The following SLC22A16 variants were observed in gnomAD, a reference collection of about 807,000 sequenced individuals.
SLC22A16 encodes the protein solute carrier family 22 member 16, also known as WUGSC:RG331P03.1.
In SLC22A16, 53 loss-of-function variants were observed where a neutral mutation model predicts 52.9. The ratio of observed to expected loss-of-function variants is 1.00; its 90% CI spans 0.80 to 1.26. The LOEUF is 1.26. SLC22A16 is among the 50% of genes most tolerant of loss of function. The pLI is 0.00. For missense variants in SLC22A16, 726 were observed against 704.0 expected (o/e 1.03, Z -0.35); for synonymous variants, 291 against 268.8 (o/e 1.08, Z -0.81).
chr6:110,460,086 G>C (rs140022852), intron 1 of SLC22A16, among the ~76,000 whole-genome samples: 1 of 152,148 alleles, frequency 6.6e-6, no homozygotes, highest in Non-Finnish European at 1.5e-5. Context: ...AATAGGTCCT[G>C]TCCGATCAAA....
chr6:110,431,376 G>C lies in SLC22A16; in HGVS notation c.1422-106C>G. On this transcript the variant is annotated intron_variant, in intron 6 of 7. Coordinates refer to ENST00000368919, the MANE Select transcript of SLC22A16 (RefSeq NM_033125.4). ...TCCCACGCTCCCCAGCAAGGATAAG[G>C]GTGGTCAGGCAGCGCATTACAACGT... 3.1e-6 allele frequency: 3 copies of C among 954,250 alleles called. No homozygotes were observed. In the Admixed American group the frequency reaches 6.0e-5, roughly 19 times the overall value. 59.1% of individuals were successfully genotyped at this position (954,250 alleles called of 1,614,324 possible).
Position 110,476,516 on chromosome 6 carries a change from C to G in SLC22A16, c.53+6G>C. Reference sequence around the variant, plus strand: ...CGCGTGGCGCCGCGGGGCCCCTCCCCCATACCTGCCGAAGTGCCCCACGTG... The same window carrying G: ...CGCGTGGCGCCGCGGGGCCCCTCCCGCATACCTGCCGAAGTGCCCCACGTG... On this transcript the variant is annotated splice_donor_region_variant and intron_variant, in intron 1 of 7. Coordinates refer to ENST00000368919, the MANE Select transcript of SLC22A16 (RefSeq NM_033125.4). The G allele has an allele frequency of 6.8e-7, 1 of 1,469,378 alleles. No individual in the cohort carries two copies. Among genetic ancestry groups the G allele is most frequent in the South Asian group, 1.2e-5 (1 of 80,426 alleles). 91.0% of individuals were successfully genotyped at this position (1,469,378 alleles called of 1,614,324 possible).
chr6:110,435,952 T>C lies in SLC22A16; in HGVS notation c.1321A>G (p.Ile441Val), dbSNP rs754022456. Residue 441 changes from isoleucine (I) to valine (V), a missense_variant, in exon 6 of 8, where the codon ATT (isoleucine) becomes GTT (valine). By Grantham distance (29) the Ile-to-Val change is conservative. Transcript: ENST00000368919. Reference protein sequence around the residue: ...VVMVIPQKHYILGVVTAMVGK... With the variant: ...VVMVIPQKHYVLGVVTAMVGK... ...ACCATAGCTGTCACCACACCCAAAA[T>C]ATAATGTTTCTGAAAAAAATTTAGC... is the stretch of plus-strand genomic sequence containing the variant. The C allele has an allele frequency of 3.1e-6, 5 of 1,612,418 alleles. No individual in the cohort carries two copies. The highest frequency in any genetic ancestry group is 1.6e-4 in the Middle Eastern group (1 of 6,078).
chr6:110,435,970 A>C lies in SLC22A16; in HGVS notation c.1312-9T>G. 1 of 1,563,032 alleles carries C rather than the reference A, an allele frequency of 6.4e-7. No homozygotes were observed. The highest frequency in any genetic ancestry group is 8.8e-7 in the Non-Finnish European group (1 of 1,134,866). ...CCCAAAATATAATGTTTCTGAAAAA[A>C]ATTTAGCAGAATAGATCATCACAAG... On this transcript the variant is annotated splice_polypyrimidine_tract_variant and intron_variant, in intron 5 of 7. Transcript: ENST00000368919.
At chr6:110,475,447 T>C (rs1221907066) in intron 1 of SLC22A16, among the ~76,000 whole-genome samples, 1 of 152,200 alleles carries the variant, frequency 6.6e-6, no homozygotes, top group African/African-American at 2.4e-5. Context: ...AAGGCAGCGT[T>C]CAATGATGCA....
intron 5 of SLC22A16, among the ~76,000 whole-genome samples, chr6:110,437,417 G>A (rs561979779): frequency 6.6e-6 from 1 of 152,164 alleles, no homozygotes; most frequent in South Asian, 2.1e-4. Context: ...AGGTGTGGAT[G>A]AAGTTCTCTC....
At chr6:110,447,257 T>C (rs1775213750) in intron 2 of SLC22A16, among the ~76,000 whole-genome samples, 1 of 152,138 alleles carries the variant, frequency 6.6e-6, no homozygotes, top group Non-Finnish European at 1.5e-5. Context: ...TAACCTGGGA[T>C]TGGGGGAAGA....
Position 110,424,851 on chromosome 6 carries a change from C to T in SLC22A16, c.*22G>A. 6.2e-7 allele frequency: 1 copy of T among 1,613,832 alleles called. No homozygotes were observed. The highest frequency in any genetic ancestry group is 1.1e-5 in the South Asian group (1 of 91,024). ...ATTAGGGTAAATAATATTTCAGGTG[C>T]TAGACAGCAGGCATGGCACATTTAT... On this transcript the variant is annotated 3_prime_UTR_variant, in exon 8 of 8. Transcript: ENST00000368919.
rs1554228975 is a variant in SLC22A16, at chr6:110,470,581, GT to G, written c.53+5940del. ...GTTAGTTTCTACCTTCCTGGCCTCA[GT>G]TTTTTTCTTCCTCAGCCAGTGACCC... On this transcript the variant is annotated intron_variant, in intron 1 of 7. Transcript: ENST00000368919. Among the ~76,000 whole-genome samples, 2 of 152,124 alleles carry G rather than the reference GT, an allele frequency of 1.3e-5. 1 individual carries two copies. Among genetic ancestry groups the G allele is most frequent in the African/African-American group, 4.8e-5 (2 of 41,488 alleles).
chr6:110,469,882 A>G (rs1233825967), intron 1 of SLC22A16, among the ~76,000 whole-genome samples: 1 of 152,260 alleles, frequency 6.6e-6, no homozygotes, highest in African/African-American at 2.4e-5. Flanking sequence ...TCACAAAGAT[A>G]TCAACTCTCC....
At chr6:110,475,796 G>A (rs372644177) in intron 1 of SLC22A16, 1 of 402,262 alleles carries the variant, frequency 2.5e-6, no homozygotes. Context: ...GTGAACGAAC[G>A]AATGAATAAT....
intron 3 of SLC22A16, 142 bp downstream of exon 3, chr6:110,446,731 C>CTAA (rs1775188272): frequency 8.1e-6 from 6 of 742,970 alleles, no homozygotes; most frequent in Non-Finnish European, 1.3e-5. Flanking sequence ...CATTGGTATT[C>CTAA]TGTAGGCAGA....
At chr6:110,465,787 T>C (rs1776039657) in intron 1 of SLC22A16, among the ~76,000 whole-genome samples, 1 of 152,116 alleles carries the variant, frequency 6.6e-6, no homozygotes, top group African/African-American at 2.4e-5. Context: ...AAAAAACTAT[T>C]CTAAAATTCA....
intron 1 of SLC22A16, among the ~76,000 whole-genome samples, chr6:110,459,552 T>C (rs1282394739): frequency 2.6e-5 from 4 of 152,126 alleles, no homozygotes; most frequent in Non-Finnish European, 5.9e-5. Flanking sequence ...CTACAGACAA[T>C]TAAATGCAGT....
intron 2 of SLC22A16, chr6:110,456,288 G>T: frequency 2.2e-6 from 1 of 459,254 alleles, no homozygotes; most frequent in East Asian, 3.5e-5. Flanking sequence ...TGAAACACAG[G>T]TAAGTTAGGC....
chr6:110,456,472 C>T, intron 2 of SLC22A16, 66 bp downstream of exon 2: 7 of 1,547,582 alleles, frequency 4.5e-6, no homozygotes, highest in Non-Finnish European at 6.1e-6. Flanking sequence ...TTCCTTGTGT[C>T]CCAAGAAAAC....
At chr6:110,434,846 CAT>C (rs1472132894) in intron 6 of SLC22A16, among the ~76,000 whole-genome samples, 18 of 152,068 alleles carry the variant, frequency 1.2e-4, no homozygotes, top group Non-Finnish European at 2.5e-4. Context: ...GGTGTAGTGG[CAT>C]GCACGTGTAA....
chr6:110,433,053 T>TA (rs1774569474), intron 6 of SLC22A16, among the ~76,000 whole-genome samples: 1 of 152,138 alleles, frequency 6.6e-6, no homozygotes, highest in Non-Finnish European at 1.5e-5. Context: ...CCACAACCTG[T>TA]AAAATGGACA....
intron 2 of SLC22A16, among the ~76,000 whole-genome samples, chr6:110,449,191 C>T (rs1043311518): frequency 2.0e-5 from 3 of 152,082 alleles, no homozygotes; most frequent in African/African-American, 7.2e-5. Context: ...TCTGCCTGTC[C>T]TCTCTAATGC....
Sources: allele counts gnomAD v4.1 joint callset (sites outside exome capture counted in the v4.1 genomes callset), GRCh38; gene constraint gnomAD v4.1.1; transcripts MANE v1.5; gene names NCBI Gene and HGNC (gene_info 2026-07-23, HGNC 2026-07-21).